The following NEK11 variants were observed in gnomAD, a reference collection of about 807,000 sequenced individuals.
NEK11 encodes the protein serine/threonine-protein kinase Nek11.
A neutral mutation model predicts 80.7 loss-of-function variants in NEK11; 72 were observed. The observed-to-expected ratio is 0.89, with a 90% CI of 0.74 to 1.08. The LOEUF is 1.08. NEK11 is among the 50% of genes least tolerant of loss of function. NEK11 has a pLI of 0.00. For missense variants in NEK11, 764 were observed against 763.6 expected, an observed-to-expected ratio of 1.00 and a Z score of -0.01; for synonymous variants, 251 against 260.7, an observed-to-expected ratio of 0.96 and a Z score of 0.36.
At chr3:131,300,023 C>A (rs1271315959) in intron 17 of NEK11, among the ~76,000 whole-genome samples, 1 of 152,216 alleles carries the variant, frequency 6.6e-6, no homozygotes, top group African/African-American at 2.4e-5. Context: ...CTTTTCTCTG[C>A]ATCATCTTCA....
intron 4 of NEK11, among the ~76,000 whole-genome samples, chr3:131,084,922 A>G (rs1162973683): frequency 6.6e-6 from 1 of 152,246 alleles, no homozygotes; most frequent in Non-Finnish European, 1.5e-5. Context: ...AATTTTAAAA[A>G]TTCAAAAGGA....
chr3:131,203,417 T>C (rs1352944336), intron 14 of NEK11, among the ~76,000 whole-genome samples: 2 of 109,758 alleles, frequency 1.8e-5, no homozygotes, highest in Non-Finnish European at 1.8e-5. Flanking sequence ...CATCACACAC[T>C]GGGGCCTGTT....
At chr3:131,115,918 C>CTT (rs1240774660) in intron 5 of NEK11, among the ~76,000 whole-genome samples, 1 of 84,580 alleles carries the variant, frequency 1.2e-5, no homozygotes, top group Non-Finnish European at 2.5e-5. Context: ...TTCTTTCTTT[C>CTT]TTTCTTTCTT....
chr3:131,110,842 C>T (rs1054856083), intron 5 of NEK11, among the ~76,000 whole-genome samples: 1 of 152,140 alleles, frequency 6.6e-6, no homozygotes, highest in African/African-American at 2.4e-5. Context: ...CATGTATCTT[C>T]TAAAACACAT....
intron 16 of NEK11, among the ~76,000 whole-genome samples, chr3:131,247,518 A>G (rs969383762): frequency 2.0e-5 from 3 of 151,984 alleles, no homozygotes; most frequent in Non-Finnish European, 2.9e-5. Flanking sequence ...TTTGATGACT[A>G]TGGCCTTATA....
intron 16 of NEK11, among the ~76,000 whole-genome samples, chr3:131,263,044 T>G (rs2095962946): frequency 1.3e-5 from 2 of 152,206 alleles, no homozygotes; most frequent in Non-Finnish European, 1.5e-5. Flanking sequence ...GTGCCACATT[T>G]TTTTAAATTA....
intron 17 of NEK11, among the ~76,000 whole-genome samples, chr3:131,280,112 G>T (rs1331427736): frequency 6.6e-6 from 1 of 152,204 alleles, no homozygotes; most frequent in Non-Finnish European, 1.5e-5. Context: ...TGAGAATCTG[G>T]GGGAGCTTCT....
chr3:131,197,624 C>A (rs1477735891), intron 14 of NEK11, among the ~76,000 whole-genome samples: 1 of 152,010 alleles, frequency 6.6e-6, no homozygotes, highest in East Asian at 1.9e-4. Context: ...ACTATCAATG[C>A]CTAAGTGGAA....
At chr3:131,153,746 C>T (rs571123878) in intron 9 of NEK11, among the ~76,000 whole-genome samples, 8 of 152,166 alleles carry the variant, frequency 5.3e-5, no homozygotes, top group Non-Finnish European at 8.8e-5. Context: ...ATGAAAGGAA[C>T]AGGTATGTTT....
chr3:131,249,009 G>GT (rs200291253), intron 16 of NEK11, among the ~76,000 whole-genome samples: 53 of 146,540 alleles, frequency 3.6e-4, no homozygotes, highest in East Asian at 6.0e-4. Context: ...TAGGCTGGGT[G>GT]TTTTTTTTTT....
intron 3 of NEK11, among the ~76,000 whole-genome samples, chr3:131,070,727 C>T (rs1240269367): frequency 6.6e-6 from 1 of 152,128 alleles, no homozygotes; most frequent in African/African-American, 2.4e-5. Flanking sequence ...CTGTCTTACT[C>T]ATTAGACACT....
chr3:131,208,773 A>C (rs558804622), intron 14 of NEK11, among the ~76,000 whole-genome samples: 2 of 151,998 alleles, frequency 1.3e-5, no homozygotes, highest in Non-Finnish European at 2.9e-5. Context: ...TTTGTCTGTT[A>C]TTGGTGTATA....
intron 10 of NEK11, among the ~76,000 whole-genome samples, chr3:131,160,617 A>G (rs920064164): frequency 2.6e-5 from 4 of 152,196 alleles, no homozygotes; most frequent in Non-Finnish European, 5.9e-5. Context: ...AAATGCCACA[A>G]TTAAAAGGCA....
At chr3:131,090,223 G>A (rs923319035) in intron 4 of NEK11, among the ~76,000 whole-genome samples, 3 of 152,132 alleles carry the variant, frequency 2.0e-5, no homozygotes, top group African/African-American at 7.2e-5. Flanking sequence ...TTAAAGCCTC[G>A]ACATTTCAAA....
Position 131,316,896 on chromosome 3 carries a change from A to G in NEK11, c.1719-32661A>G, listed in dbSNP as rs142545367. Among the ~76,000 whole-genome samples the G allele has an allele frequency of 2.6e-5, 4 of 152,344 alleles. No individual in the cohort carries two copies. The East Asian group carries it at 7.7e-4, about 29-fold the overall frequency. Reference sequence around the variant, plus strand: ...ATTAAATATAAAAGCACCTGGTTCCAAAGCATATAGGAACAATCCTAACTT... The same window carrying G: ...ATTAAATATAAAAGCACCTGGTTCCGAAGCATATAGGAACAATCCTAACTT... On this transcript the variant is annotated intron_variant, in intron 17 of 17. Coordinates refer to ENST00000383366, the MANE Select transcript of NEK11 (RefSeq NM_024800.5).
chr3:131,279,133 G>C (rs1418685702), intron 17 of NEK11, among the ~76,000 whole-genome samples: 2 of 151,918 alleles, frequency 1.3e-5, no homozygotes, highest in Non-Finnish European at 2.9e-5. Flanking sequence ...CACTTTGAGA[G>C]ACCAAGGAAG....
intron 7 of NEK11, 95 bp from the exon 8 acceptor site, chr3:131,152,293 C>T (rs1444933598): frequency 9.5e-7 from 1 of 1,049,468 alleles, no homozygotes; most frequent in Non-Finnish European, 1.4e-6. Flanking sequence ...TTGTGCCTCA[C>T]AGCCAATGCC....
chr3:131,311,213 T>C (rs144129206), intron 17 of NEK11, among the ~76,000 whole-genome samples: 1,528 of 152,306 alleles, frequency 0.01, 22 homozygotes, highest in African/African-American at 0.033. Flanking sequence ...TCAGGGTATT[T>C]AGGATATCCA....
intron 17 of NEK11, among the ~76,000 whole-genome samples, chr3:131,305,121 C>T (rs1030874722): frequency 5.3e-5 from 8 of 151,182 alleles, no homozygotes; most frequent in South Asian, 2.1e-4. Context: ...CAGTGGGGTA[C>T]GCTCACACCA....
Sources: gnomAD v4.1 joint callset for allele counts (sites outside exome capture counted in the v4.1 genomes callset) on GRCh38, gnomAD v4.1.1 for gene constraint, MANE v1.5 for transcripts, NCBI Gene and HGNC (gene_info 2026-07-23, HGNC 2026-07-21) for gene names.